The following AR variants were observed in gnomAD, a reference collection of about 807,000 sequenced individuals.
AR encodes androgen receptor.
Under a neutral mutation model 53.9 loss-of-function variants are expected in AR, and 8 were observed. That is an observed-to-expected ratio of 0.15 (90% confidence interval 0.09 to 0.27). The LOEUF is 0.27. Among genes scored for constraint, AR ranks in the 10% least tolerant of loss-of-function variants. AR has a pLI of 1.00. For synonymous variants in AR, 359 were observed against 316.4 expected (o/e 1.13, Z -1.43); for missense variants, 639 against 742.5 (o/e 0.86, Z 1.62).
At chrX:67,675,330 A>G (rs2075893364) in intron 2 of AR, among the ~76,000 whole-genome samples, 1 of 110,461 alleles carries the variant, frequency 9.1e-6, no homozygotes, top group African/African-American at 3.3e-5. Context: ...CATGTTCCCC[A>G]AGTCCACTGG....
rs890788135 is a variant in AR, at chrX:67,726,831, G to T, written c.*2990G>T. 3.5e-5 allele frequency: 6 copies of T among 173,773 alleles called. No individual in the cohort carries two copies. The highest frequency in any genetic ancestry group is 1.8e-4 in the African/African-American group (6 of 33,928). The allele number at this position is 173,773 out of a possible 1,213,427, so 14.3% of individuals were successfully genotyped here. On this transcript the variant is annotated 3_prime_UTR_variant, in exon 8 of 8. Coordinates refer to ENST00000374690, the MANE Select transcript of AR (RefSeq NM_000044.6). ...TCTGCTCTACAAACAGAGTTGGTAT[G>T]GTTGGTATACTGTACTCACCTGTGA... is the stretch of plus-strand genomic sequence containing the variant.
rs200817861 is a variant in AR at position 67,545,488 on chromosome X, G to A, written c.342G>A (p.Gln114=). 2 of 1,196,169 alleles carry A rather than the reference G, an allele frequency of 1.7e-6. No individual in the cohort carries two copies. The highest frequency in any genetic ancestry group is 2.3e-5 in the Admixed American group (1 of 44,309). The part of the protein sequence containing the change: ...PTGYLVLDEE[Q]QPSQPQSALE... ...GCTACCTGGTCCTGGATGAGGAACA[G>A]CAACCTTCACAGCCGCAGTCGGCCC... The change falls in exon 1 of 8, where the codon CAG becomes CAA. Residue 114 remains glutamine, a synonymous_variant. Coordinates refer to ENST00000374690, the MANE Select transcript of AR (RefSeq NM_000044.6).
At chrX:67,610,942 C>T (rs903006875) in intron 1 of AR, among the ~76,000 whole-genome samples, 2 of 111,492 alleles carry the variant, frequency 1.8e-5, no homozygotes, top group African/African-American at 3.3e-5. Context: ...ATTTCTTTGC[C>T]TCAGTGTCCT....
intron 2 of AR, among the ~76,000 whole-genome samples, chrX:67,656,224 T>A (rs1049162447): frequency 2.7e-5 from 3 of 111,871 alleles, no homozygotes; most frequent in Middle Eastern, 4.6e-3. Context: ...CAAGCATGTA[T>A]GGTATCAGGC....
intron 1 of AR, among the ~76,000 whole-genome samples, chrX:67,547,751 T>C (rs1273653688): frequency 8.9e-6 from 1 of 112,053 alleles, no homozygotes; most frequent in East Asian, 2.8e-4. Flanking sequence ...TTCCTTTATT[T>C]TTAGGACATG....
chrX:67,719,500 C>A, intron 5 of AR, among the ~76,000 whole-genome samples: 1 of 111,484 alleles, frequency 9.0e-6, no homozygotes, highest in Non-Finnish European at 1.9e-5. Context: ...ATAAAAAGGC[C>A]TCCCTACGGG....
At chrX:67,592,595 G>C (rs996607181) in intron 1 of AR, among the ~76,000 whole-genome samples, 1 of 104,026 alleles carries the variant, frequency 9.6e-6, no homozygotes, top group African/African-American at 3.5e-5. Context: ...ATCACGTCAT[G>C]TGCCCTATTG....
At chrX:67,636,502 C>G (rs1663658332) in intron 1 of AR, among the ~76,000 whole-genome samples, 1 of 111,469 alleles carries the variant, frequency 9.0e-6, no homozygotes, top group Non-Finnish European at 1.9e-5. Flanking sequence ...CATTCCTTTT[C>G]ATTGCTGATT....
At chrX:67,603,873 T>C (rs1390369071) in intron 1 of AR, among the ~76,000 whole-genome samples, 2 of 110,854 alleles carry the variant, frequency 1.8e-5, no homozygotes, top group African/African-American at 6.6e-5. Flanking sequence ...AAGAGTTGTT[T>C]TGGAAAAGGA....
chrX:67,663,086 A>G (rs1183417958), intron 2 of AR, among the ~76,000 whole-genome samples: 1 of 111,637 alleles, frequency 9.0e-6, no homozygotes, highest in Non-Finnish European at 1.9e-5. Context: ...CCAATTTGCC[A>G]GTCTGTGTCT....
intron 2 of AR, among the ~76,000 whole-genome samples, chrX:67,644,535 G>C (rs774229293): frequency 4.5e-5 from 5 of 111,763 alleles, no homozygotes; most frequent in Non-Finnish European, 9.4e-5. Flanking sequence ...CATTCACCAC[G>C]AATGTACTGA....
Position 67,545,878 on chromosome X carries a change from G to A in AR, c.732G>A (p.Ser244=), listed in dbSNP as rs551440893. 3 of 1,212,029 alleles carry A rather than the reference G, an allele frequency of 2.5e-6. No individual in the cohort carries two copies. Among genetic ancestry groups the A allele is most frequent in the South Asian group, 1.8e-5 (1 of 57,007 alleles). ...CCAAGGAGTTGTGTAAGGCAGTGTC[G>A]GTGTCCATGGGCCTGGGTGTGGAGG... The part of the protein sequence containing the change: ...DNAKELCKAV[S]VSMGLGVEAL... The change falls in exon 1 of 8, where the codon TCG becomes TCA. Residue 244 remains serine (S), a synonymous_variant. Transcript: ENST00000374690.
At chrX:67,661,809 T>G (rs1181518832) in intron 2 of AR, among the ~76,000 whole-genome samples, 1 of 111,650 alleles carries the variant, frequency 9.0e-6, no homozygotes, top group African/African-American at 3.3e-5. Flanking sequence ...CAGCTGTGAA[T>G]CCATCTGGTT....
intron 1 of AR, 85 bp downstream of exon 1, chrX:67,546,847 C>A: frequency 9.7e-7 from 1 of 1,031,104 alleles, no homozygotes; most frequent in Non-Finnish European, 1.3e-6. Context: ...CTCCTACCTG[C>A]GCGAACACTC....
At position 67,660,544 on chromosome X, in the gene AR, C is replaced by G. The variant is rs371734649; in HGVS notation, c.1768+17137C>G. On this transcript the variant is annotated intron_variant, in intron 2 of 7. Transcript: ENST00000374690. The stretch of plus-strand genomic sequence containing the variant: ...GTTGTATATATGCGGCATTATTTCT[C>G]AGGGCTCTGTTCTGTTCCATTGGTC... Among the ~76,000 whole-genome samples the G allele has an allele frequency of 8.6e-4, 96 of 111,180 alleles. 1 individual carries two copies. Among genetic ancestry groups the G allele is most frequent in the African/African-American group, 2.5e-3 (78 of 30,605 alleles).
At chrX:67,716,146 G>A (rs1028066644) in intron 4 of AR, among the ~76,000 whole-genome samples, 2 of 112,067 alleles carry the variant, frequency 1.8e-5, no homozygotes, top group Admixed American at 9.5e-5. Flanking sequence ...ACTCAAATAC[G>A]TGGACTGTAC....
At chrX:67,666,830 A>T (rs1927288536) in intron 2 of AR, among the ~76,000 whole-genome samples, 1 of 111,774 alleles carries the variant, frequency 8.9e-6, no homozygotes, top group African/African-American at 3.2e-5. Flanking sequence ...GGACCTTGTC[A>T]TATATCTGTT....
At chrX:67,694,873 C>T in intron 3 of AR, 7 of 1,068,736 alleles carry the variant, frequency 6.5e-6, no homozygotes, top group Non-Finnish European at 6.0e-6. Flanking sequence ...CTCTTGATTG[C>T]TGACTCCCTC....
intron 2 of AR, among the ~76,000 whole-genome samples, chrX:67,662,544 G>A (rs1262823287): frequency 2.7e-5 from 3 of 111,851 alleles, no homozygotes; most frequent in Non-Finnish European, 3.8e-5. Flanking sequence ...TGATTGCACT[G>A]TAGTCTGAGA....
Sources: allele counts gnomAD v4.1 joint callset (sites outside exome capture counted in the v4.1 genomes callset), GRCh38; gene constraint gnomAD v4.1.1; transcripts MANE v1.5; gene names NCBI Gene and HGNC (gene_info 2026-07-23, HGNC 2026-07-21).